The following NBEAL1 variants were observed in gnomAD, a reference collection of about 807,000 sequenced individuals.
NBEAL1 encodes neurobeachin-like protein 1.
In NBEAL1, 273 loss-of-function variants were observed where a neutral mutation model predicts 351.3. The observed-to-expected ratio is 0.78, with a 90% CI of 0.70 to 0.86. The LOEUF (loss-of-function observed/expected upper bound fraction) is 0.86, where lower values mean the gene tolerates loss of function less well. NBEAL1 is among the 40% of genes least tolerant of loss of function. NBEAL1 has a pLI of 0.00. For synonymous variants in NBEAL1, 1,050 were observed against 1,086.4 expected (o/e 0.97, Z 0.66); for missense variants, 2,961 against 3,201.3 (o/e 0.92, Z 1.81).
intron 14 of NBEAL1, among the ~76,000 whole-genome samples, chr2:203,109,728 C>T (rs968572134): frequency 2.0e-5 from 3 of 152,266 alleles, no homozygotes; most frequent in East Asian, 3.9e-4. Flanking sequence ...CCACGTTGGC[C>T]AGGCTGGTCT....
intron 2 of NBEAL1, among the ~76,000 whole-genome samples, chr2:203,036,239 G>C (rs944951571): frequency 2.0e-5 from 3 of 149,278 alleles, no homozygotes; most frequent in African/African-American, 7.3e-5. Context: ...TATGTGTGAG[G>C]ATCTTTCTTT....
At chr2:203,095,639 G>A (rs2062167546) in intron 10 of NBEAL1, among the ~76,000 whole-genome samples, 1 of 152,014 alleles carries the variant, frequency 6.6e-6, no homozygotes, top group African/African-American at 2.4e-5. Context: ...ATTGCTTTCT[G>A]GAAAGATTTT....
intron 45 of NBEAL1, among the ~76,000 whole-genome samples, chr2:203,189,394 T>G (rs1450305044): frequency 6.6e-6 from 1 of 152,194 alleles, no homozygotes; most frequent in Non-Finnish European, 1.5e-5. Context: ...TTTATTTATT[T>G]TTTTATCTTG....
At position 203,056,641 on chromosome 2, in the gene NBEAL1, A is replaced by C. The variant is rs187932272; in HGVS notation, c.387+133A>C. On this transcript the variant is annotated intron_variant, in intron 5 of 55. Coordinates refer to ENST00000683969, the MANE Select transcript of NBEAL1 (RefSeq NM_001378026.1). ...GAGTGCAATGGCCCGATCTTGGCTT[A>C]CCACAACCTCTGCCTCCCAGGTTCA... is the stretch of plus-strand genomic sequence containing the variant. 1,860 of 600,994 alleles carry C rather than the reference A, an allele frequency of 3.1e-3. 32 individuals are homozygous for C. In the African/African-American group the frequency reaches 0.032, roughly 10 times the overall value. The allele number at this position is 600,994 out of a possible 1,614,324, so 37.2% of individuals were successfully genotyped here.
intron 2 of NBEAL1, among the ~76,000 whole-genome samples, chr2:203,029,510 T>A (rs1192992993): frequency 6.6e-6 from 1 of 152,116 alleles, no homozygotes; most frequent in African/African-American, 2.4e-5. Flanking sequence ...TGGGGCAACA[T>A]GATGAAACCT....
At chr2:203,180,794 A>T (rs913622872) in intron 43 of NBEAL1, among the ~76,000 whole-genome samples, 2 of 152,124 alleles carry the variant, frequency 1.3e-5, no homozygotes, top group Non-Finnish European at 2.9e-5. Context: ...TCAGCTATAT[A>T]TACCACTTAG....
chr2:203,135,564 C>A, intron 27 of NBEAL1, 113 bp from the exon 28 acceptor site: 2 of 682,208 alleles, frequency 2.9e-6, no homozygotes, highest in Non-Finnish European at 4.8e-6. Flanking sequence ...AAAGTATATT[C>A]TTCTATAGTT....
intron 27 of NBEAL1, among the ~76,000 whole-genome samples, chr2:203,134,814 G>C (rs2063160327): frequency 6.6e-6 from 1 of 152,150 alleles, no homozygotes; most frequent in African/African-American, 2.4e-5. Context: ...TTAAAGTTTA[G>C]TTTTTGTTCT....
Position 203,157,781 on chromosome 2 carries a change from T to C in NBEAL1, c.5670T>C (p.Asp1890=), listed in dbSNP as rs200421470. The C allele has an allele frequency of 1.1e-4, 171 of 1,594,432 alleles. No homozygotes were observed. Among genetic ancestry groups the C allele is most frequent in the Non-Finnish European group, 5.7e-5 (67 of 1,170,672 alleles). ...TAAAAGTTAGTGATATGGTGGAGGA[T>C]AAATTAGACCTTCCTGAAGAGGATA... The part of the protein sequence containing the change: ...KQVKVSDMVE[D]KLDLPEEDIT... Residue 1890 remains aspartate, a synonymous_variant, in exon 36 of 56, where the codon GAT becomes GAC. Transcript: ENST00000683969.
chr2:203,139,667 C>T (rs1404170621), intron 31 of NBEAL1, among the ~76,000 whole-genome samples: 3 of 141,484 alleles, frequency 2.1e-5, no homozygotes, highest in Non-Finnish European at 3.0e-5. Context: ...CAGGTTCAAG[C>T]GATTGTTGTG....
At position 203,195,564 on chromosome 2, in the gene NBEAL1, C is replaced by G. The variant is rs560665326; in HGVS notation, c.7038+1653C>G. On this transcript the variant is annotated intron_variant, in intron 47 of 55. Coordinates refer to ENST00000683969, the MANE Select transcript of NBEAL1 (RefSeq NM_001378026.1). ...GGTTCAGTGATTTGCCAGAAAGACTCACGGAATTTAACATGTAGTTGTAGT... is the reference window on the plus strand; with the variant it reads ...GGTTCAGTGATTTGCCAGAAAGACTGACGGAATTTAACATGTAGTTGTAGT... Among the ~76,000 whole-genome samples, 32 of 152,274 alleles carry G rather than the reference C, an allele frequency of 2.1e-4. No individual in the cohort carries two copies. In the East Asian group the frequency reaches 6.0e-3, roughly 28 times the overall value.
At chr2:203,118,683 C>T (rs544487838) in intron 18 of NBEAL1, among the ~76,000 whole-genome samples, 19 of 152,022 alleles carry the variant, frequency 1.2e-4, no homozygotes, top group Admixed American at 5.9e-4. Flanking sequence ...CCTCTGCCTC[C>T]CAGGTTCAAG....
At chr2:203,028,126 C>G (rs1265436608) in intron 2 of NBEAL1, among the ~76,000 whole-genome samples, 2 of 152,020 alleles carry the variant, frequency 1.3e-5, no homozygotes, top group African/African-American at 4.8e-5. Context: ...TAGTGATCTG[C>G]CCACCTCAGC....
In NBEAL1 at chr2:203,083,291, TG is replaced by T. The variant is rs1304781518; in HGVS notation, c.760del (p.Glu254ArgfsTer14). The T allele has an allele frequency of 1.9e-6, 3 of 1,552,878 alleles. No individual in the cohort carries two copies. In the East Asian group the frequency reaches 7.3e-5, roughly 38 times the overall value. Reference protein sequence around the residue: ...LMRVLADCDSWEDGDPEEVGR... With the variant: ...LMRVLADCDSXEDGDPEEVGR... ...GCGAGTATTGGCAGATTGTGATTCC[TG>T]GGAGGATGGAGATCCTGAAGAAGTG... On this transcript the variant is annotated frameshift_variant, in exon 9 of 56. Coordinates refer to ENST00000683969, the MANE Select transcript of NBEAL1 (RefSeq NM_001378026.1). LOFTEE classifies it high-confidence loss of function.
rs1046192557 is a variant in NBEAL1 at position 203,086,183 on chromosome 2, C to T, written c.1098+1614C>T. On this transcript the variant is annotated intron_variant, in intron 10 of 55. Coordinates refer to ENST00000683969, the MANE Select transcript of NBEAL1 (RefSeq NM_001378026.1). ...AATACGAAATATGGAGAACAGACTT[C>T]TTGAAACATTAAAAAAAAATTTGTT... 6 of 152,174 alleles carry T rather than the reference C, an allele frequency of 3.9e-5. No individual in the cohort carries two copies. In the South Asian group the frequency reaches 1.0e-3, roughly 26 times the overall value. 9.4% of individuals were successfully genotyped at this position (152,174 alleles called of 1,614,324 possible).
chr2:203,118,524 T>G (rs918634003), intron 18 of NBEAL1, among the ~76,000 whole-genome samples: 2 of 152,164 alleles, frequency 1.3e-5, no homozygotes, highest in African/African-American at 4.8e-5. Context: ...ATAGCATAGA[T>G]AGCTAAGAAA....
Position 203,126,844 on chromosome 2 carries a change from A to G in NBEAL1, c.3166A>G (p.Thr1056Ala). The G allele has an allele frequency of 1.3e-6, 2 of 1,552,348 alleles. No homozygotes were observed. The highest frequency in any genetic ancestry group is 1.7e-6 in the Non-Finnish European group (2 of 1,147,020). ...FRIGHIQYLS[T>A]IIKDSRRVFR... ...TTTAGGTCACATACAGTATCTTTCA[A>G]CCATCATTAAAGACAGCAGGAGAGT... Residue 1056 changes from threonine (T) to alanine (A), a missense_variant, in exon 23 of 56, where the codon ACC becomes GCC. Transcript: ENST00000683969.
In NBEAL1 at chr2:203,167,365, G is replaced by C. The variant is rs1196910591; in HGVS notation, c.5997+5G>C. 1.3e-6 allele frequency: 2 copies of C among 1,593,728 alleles called. No homozygotes were observed. Among genetic ancestry groups the C allele is most frequent in the Non-Finnish European group, 1.7e-6 (2 of 1,172,032 alleles). ...TTTCTCAATTTCAAAAAAGAGGTAT[G>C]TATTATGGTTTCAGGAAATCCCAAA... On this transcript the variant is annotated splice_donor_5th_base_variant and intron_variant, in intron 38 of 55. Coordinates refer to ENST00000683969, the MANE Select transcript of NBEAL1 (RefSeq NM_001378026.1).
At chr2:203,190,774 T>C in intron 46 of NBEAL1, 1 of 1,610,368 alleles carries the variant, frequency 6.2e-7, no homozygotes, top group South Asian at 1.1e-5. Context: ...ACCAGCCGCC[T>C]CCACCATGCC....
Sources: gnomAD v4.1 joint callset for allele counts (sites outside exome capture counted in the v4.1 genomes callset) on GRCh38, gnomAD v4.1.1 for gene constraint, MANE v1.5 for transcripts, NCBI Gene and HGNC (gene_info 2026-07-23, HGNC 2026-07-21) for gene names.